Variants in DDX10 observed in about 807,000 individuals in gnomAD.
DDX10 encodes DEAD-box helicase 10.
Under a neutral mutation model 104.3 loss-of-function variants are expected in DDX10, and 74 were observed. The observed-to-expected ratio is 0.71, with a 90% CI of 0.59 to 0.86. The LOEUF is 0.86. DDX10 is among the 40% of genes least tolerant of loss of function. The pLI, the probability that DDX10 is intolerant of heterozygous loss-of-function variation, is 0.00. For synonymous variants in DDX10, 351 were observed against 353.4 expected (o/e 0.99, Z 0.08); for missense variants, 952 against 1,040.0 (o/e 0.92, Z 1.16).
chr11:108,695,982 A>G (rs2094259293), intron 9 of DDX10, among the ~76,000 whole-genome samples: 1 of 152,192 alleles, frequency 6.6e-6, no homozygotes, highest in African/African-American at 2.4e-5. Flanking sequence ...GTAGTTTTAA[A>G]CAAGCAATGC....
chr11:108,787,535 TTAA>T (rs1304419646), intron 13 of DDX10, among the ~76,000 whole-genome samples: 1 of 152,160 alleles, frequency 6.6e-6, no homozygotes, highest in Non-Finnish European at 1.5e-5. Context: ...GGTGTTTTTT[TTAA>T]TTTTTAATTC....
At position 108,789,005 on chromosome 11, in the gene DDX10, C is replaced by T. The variant is rs573569076; in HGVS notation, c.1966-49441C>T. Among the ~76,000 whole-genome samples, 13 of 152,316 alleles carry T rather than the reference C, an allele frequency of 8.5e-5. No individual in the cohort carries two copies. The South Asian group carries it at 2.5e-3, about 29-fold the overall frequency. ...GGCAGGGGCAGATAGGCCGTACCCT[C>T]TCTGGGCTGGCCCTGTTGAGTGAGA... On this transcript the variant is annotated intron_variant, in intron 13 of 17. Transcript: ENST00000322536.
At chr11:108,716,207 T>C (rs940563084) in intron 11 of DDX10, among the ~76,000 whole-genome samples, 6 of 152,144 alleles carry the variant, frequency 3.9e-5, no homozygotes, top group Non-Finnish European at 8.8e-5. Context: ...GTGATTCTTG[T>C]GCCTCAGCCT....
intron 13 of DDX10, among the ~76,000 whole-genome samples, chr11:108,769,393 A>G (rs537748548): frequency 6.6e-6 from 1 of 151,988 alleles, no homozygotes; most frequent in East Asian, 1.9e-4. Context: ...TTTAAATTTC[A>G]CTGCCCATTT....
At chr11:108,794,558 GT>G (rs34393753) in intron 13 of DDX10, among the ~76,000 whole-genome samples, 149,909 of 150,088 alleles carry the variant, frequency 1, 74,865 homozygotes, top group Middle Eastern at 1. Context: ...CTTCTGTTCA[GT>G]TTTTTTTTTT....
chr11:108,918,142 TTA>T (rs1345535466), intron 17 of DDX10, 124 bp downstream of exon 17: 1 of 934,880 alleles, frequency 1.1e-6, no homozygotes, highest in Non-Finnish European at 1.6e-6. Context: ...TTTGATACCT[TTA>T]CTTAGATTCC....
chr11:108,874,189 C>A (rs1054992609), intron 16 of DDX10, among the ~76,000 whole-genome samples: 1 of 152,048 alleles, frequency 6.6e-6, no homozygotes, highest in Non-Finnish European at 1.5e-5. Flanking sequence ...AAAAAAATAC[C>A]GTGTGTGATG....
chr11:108,740,192 T>A (rs2615737), intron 13 of DDX10, among the ~76,000 whole-genome samples: 18,661 of 152,022 alleles, frequency 0.12, 1,548 homozygotes, highest in East Asian at 0.27. Context: ...GATCCATATG[T>A]ACTCAATGTT....
intron 16 of DDX10, among the ~76,000 whole-genome samples, chr11:108,912,688 C>A (rs911810985): frequency 3.3e-5 from 5 of 152,166 alleles, no homozygotes; most frequent in African/African-American, 1.2e-4. Context: ...AAGCTACATA[C>A]CCTCCTCACA....
intron 9 of DDX10, among the ~76,000 whole-genome samples, chr11:108,703,101 G>C (rs898592617): frequency 6.6e-6 from 1 of 152,072 alleles, no homozygotes; most frequent in Non-Finnish European, 1.5e-5. Flanking sequence ...ATACTGTATT[G>C]TATTCTTGAA....
chr11:108,733,839 T>C (rs1381992990), intron 13 of DDX10, among the ~76,000 whole-genome samples: 1 of 152,168 alleles, frequency 6.6e-6, no homozygotes, highest in Non-Finnish European at 1.5e-5. Flanking sequence ...GTATTTTTTT[T>C]CAAGTGGTTT....
intron 6 of DDX10, among the ~76,000 whole-genome samples, chr11:108,680,699 G>T (rs1230450699): frequency 6.6e-6 from 1 of 152,050 alleles, no homozygotes; most frequent in Non-Finnish European, 1.5e-5. Context: ...ATTTCTTCTT[G>T]CTCTGAAATG....
Position 108,679,328 on chromosome 11 carries a change from A to G in DDX10, c.659-43A>G, listed in dbSNP as rs373498355. 10 of 1,497,790 alleles carry G rather than the reference A, an allele frequency of 6.7e-6. No individual in the cohort carries two copies. In the African/African-American group the frequency reaches 9.8e-5, roughly 15 times the overall value. The allele number at this position is 1,497,790 out of a possible 1,614,324, so 92.8% of individuals were successfully genotyped here. The stretch of plus-strand genomic sequence containing the variant: ...ATACCCATTGCATTTAGCCTAATGT[A>G]TATTTTACATATGATAGTTCAACTT... On this transcript the variant is annotated intron_variant, in intron 5 of 17. Transcript: ENST00000322536.
chr11:108,706,854 G>A lies in DDX10; in HGVS notation c.1322+17G>A, dbSNP rs1322017590. ...GGAAATCAAGTAAGAGCTACTTGTT[G>A]TCTTTATGTTTTTAGGAAAATGAGG... On this transcript the variant is annotated intron_variant, in intron 10 of 17. Transcript: ENST00000322536. 6.3e-7 allele frequency: 1 copy of A among 1,596,932 alleles called. No homozygotes were observed. Among genetic ancestry groups the A allele is most frequent in the Non-Finnish European group, 8.6e-7 (1 of 1,165,044 alleles).
chr11:108,913,836 A>AT (rs1390428486), intron 16 of DDX10, among the ~76,000 whole-genome samples: 38 of 152,346 alleles, frequency 2.5e-4, no homozygotes, highest in Non-Finnish European at 5.3e-4. Flanking sequence ...TGGTGATACT[A>AT]TTTTTAACTT....
intron 17 of DDX10, among the ~76,000 whole-genome samples, chr11:108,930,707 T>G (rs1038395962): frequency 2.0e-5 from 3 of 152,186 alleles, no homozygotes; most frequent in African/African-American, 7.2e-5. Context: ...ATTTCTGTAG[T>G]TTAAAGAAAG....
intron 16 of DDX10, among the ~76,000 whole-genome samples, chr11:108,908,513 G>A (rs1219800694): frequency 7.2e-5 from 11 of 152,078 alleles, no homozygotes; most frequent in Non-Finnish European, 1.6e-4. Context: ...AGGTTATTTT[G>A]TTTTTATGAA....
At chr11:108,801,597 C>A (rs1303376468) in intron 13 of DDX10, among the ~76,000 whole-genome samples, 1 of 152,106 alleles carries the variant, frequency 6.6e-6, no homozygotes, top group Non-Finnish European at 1.5e-5. Flanking sequence ...TTCTTTTCAC[C>A]ACTTTATAAT....
intron 13 of DDX10, among the ~76,000 whole-genome samples, chr11:108,729,500 C>T (rs1385026537): frequency 2.0e-5 from 3 of 152,146 alleles, no homozygotes; most frequent in South Asian, 4.1e-4. Flanking sequence ...CTGCTTGTGA[C>T]AGTGCAGCTC....
Sources: gnomAD v4.1 joint callset for allele counts (sites outside exome capture counted in the v4.1 genomes callset) on GRCh38, gnomAD v4.1.1 for gene constraint, MANE v1.5 for transcripts, NCBI Gene and HGNC (gene_info 2026-07-23, HGNC 2026-07-21) for gene names.